THOC5: variants seen among roughly 807,000 people sequenced by gnomAD.
THOC5 encodes the protein THO complex subunit 5, also known as Fms-interacting protein.
THOC5 carries 43 observed loss-of-function variants against 92.9 expected under a neutral mutation model. That is an observed-to-expected ratio of 0.46 (90% CI 0.36 to 0.60). The LOEUF (loss-of-function observed/expected upper bound fraction) is 0.60, where lower values mean the gene tolerates loss of function less well. Ranked by LOEUF, THOC5 falls within the 20% of genes least tolerant of loss-of-function variation. The probability of loss-of-function intolerance (pLI) is 0.00; values close to 1 mark genes in which losing one functional copy is unlikely to be tolerated. For missense variants in THOC5, 659 were observed against 849.4 expected (o/e 0.78, Z 2.79); for synonymous variants, 296 against 320.1 (o/e 0.92, Z 0.80).
chr22:29,534,186 A>G (rs1399775146), intron 7 of THOC5, among the ~76,000 whole-genome samples: 1 of 152,246 alleles, frequency 6.6e-6, no homozygotes, highest in Non-Finnish European at 1.5e-5. Context: ...ATAGGAGTAT[A>G]TACTATGATT....
chr22:29,534,292 G>A (rs138957788), intron 7 of THOC5, among the ~76,000 whole-genome samples: 158 of 152,282 alleles, frequency 1.0e-3, no homozygotes, highest in African/African-American at 3.5e-3. Context: ...TAGGGACTGC[G>A]AGGGGGAATA....
At chr22:29,517,436 C>T (rs2063355061) in intron 15 of THOC5, 70 bp from the exon 16 acceptor site, 1 of 1,388,348 alleles carries the variant, frequency 7.2e-7, no homozygotes, top group East Asian at 2.4e-5. Context: ...CTAGCATCCT[C>T]CTGGGGCTCT....
chr22:29,508,437 A>G lies in THOC5; in HGVS notation c.*20T>C. The G allele has an allele frequency of 6.2e-7, 1 of 1,613,968 alleles. No homozygotes were observed. The highest frequency in any genetic ancestry group is 1.1e-5 in the South Asian group (1 of 91,080). On this transcript the variant is annotated 3_prime_UTR_variant, in exon 20 of 20. Coordinates refer to ENST00000490103, the MANE Select transcript of THOC5 (RefSeq NM_003678.5). Reference sequence around the variant, plus strand: ...TGCTCAGGGTGAGGCCTTGGGGGAAACAACGGTCTGCGCGGGAGATCAGCG... The same window carrying G: ...TGCTCAGGGTGAGGCCTTGGGGGAAGCAACGGTCTGCGCGGGAGATCAGCG...
rs758510325 is a variant in THOC5, at chr22:29,536,718, T to C, written c.620A>G (p.Glu207Gly). 12 of 1,609,046 alleles carry C rather than the reference T, an allele frequency of 7.5e-6. No individual in the cohort carries two copies. The highest frequency in any genetic ancestry group is 1.0e-5 in the Non-Finnish European group (12 of 1,175,358). ...AATCTTCTCCTTGTTAGATAGGCAC[T>C]CTCGGTACTTCTCTGCCAGCCTGTT... ...QRKRLAEKYR[E>G]CLSNKEKILK... Residue 207 changes from glutamate to glycine, a missense_variant, in exon 7 of 20, where the codon GAG becomes GGG. By Grantham distance (98) the Glu-to-Gly change is moderately conservative. Coordinates refer to ENST00000490103, the MANE Select transcript of THOC5 (RefSeq NM_003678.5).
chr22:29,539,339 T>G lies in THOC5; in HGVS notation c.590A>C (p.Gln197Pro). 3.1e-6 allele frequency: 5 copies of G among 1,613,682 alleles called. No individual in the cohort carries two copies. Among genetic ancestry groups the G allele is most frequent in the Non-Finnish European group, 4.2e-6 (5 of 1,179,764 alleles). The change falls in exon 6 of 20, where the codon CAG becomes CCG. Residue 197 changes from glutamine to proline, a missense_variant. By Grantham distance (76) the Gln-to-Pro change is moderately conservative. Coordinates refer to ENST00000490103, the MANE Select transcript of THOC5 (RefSeq NM_003678.5). The part of the protein sequence containing the change: ...TLARLDWELE[Q>P]RKRLAEKYRE... ...AAGGAGGAAATGCTACCTTTTCCGC[T>G]GCTCCAGCTCCCAGTCCAGACGTGC... is the stretch of plus-strand genomic sequence containing the variant.
At position 29,508,362 on chromosome 22, in the gene THOC5, G is replaced by A. The variant is rs1052276674; in HGVS notation, c.*95C>T. 1 of 1,307,022 alleles carries A rather than the reference G, an allele frequency of 7.7e-7. No individual in the cohort carries two copies. Among genetic ancestry groups the A allele is most frequent in the Admixed American group, 1.9e-5 (1 of 51,694 alleles). The allele number at this position is 1,307,022 out of a possible 1,614,324, so 81.0% of individuals were successfully genotyped here. ...CGCTTTTTAATTGGCTGGTGTCTTTGGAGAATATCAAGAGTCACATGTGGG... is the reference window on the plus strand; with the variant it reads ...CGCTTTTTAATTGGCTGGTGTCTTTAGAGAATATCAAGAGTCACATGTGGG... On this transcript the variant is annotated 3_prime_UTR_variant, in exon 20 of 20. Coordinates refer to ENST00000490103, the MANE Select transcript of THOC5 (RefSeq NM_003678.5).
At chr22:29,548,951 G>T in intron 2 of THOC5, 101 bp downstream of exon 2, 1 of 1,106,592 alleles carries the variant, frequency 9.0e-7, no homozygotes. Flanking sequence ...CCAAAAAGTT[G>T]TACCTGGTAG....
In THOC5 at chr22:29,529,247, G is replaced by A. The variant is rs1338103895; in HGVS notation, c.848-8C>T. The stretch of plus-strand genomic sequence containing the variant: ...CCACAGATAACGTCTTATCTGGGGG[G>A]CAAGAAGAAGTCTGTTAGGAAAGCT... On this transcript the variant is annotated splice_polypyrimidine_tract_variant and splice_region_variant and intron_variant, in intron 8 of 19. Transcript: ENST00000490103. 3 of 1,614,008 alleles carry A rather than the reference G, an allele frequency of 1.9e-6. No homozygotes were observed. In the South Asian group the frequency reaches 3.3e-5, roughly 18 times the overall value.
chr22:29,531,420 G>A (rs2063652572), intron 8 of THOC5: 1 of 1,004,080 alleles, frequency 1.0e-6, no homozygotes, highest in Non-Finnish European at 1.2e-6. Flanking sequence ...CATGCAGCCT[G>A]ATTCAAGGCA....
At chr22:29,522,225 T>C (rs1381166954) in intron 12 of THOC5, among the ~76,000 whole-genome samples, 4 of 148,818 alleles carry the variant, frequency 2.7e-5, no homozygotes. Context: ...CTGGGCATGG[T>C]GGCGGGCGCC....
intron 15 of THOC5, 124 bp from the exon 16 acceptor site, chr22:29,517,490 G>A (rs1369380205): frequency 1.3e-6 from 1 of 769,588 alleles, no homozygotes; most frequent in Non-Finnish European, 2.1e-6. Context: ...GGTATACCTG[G>A]TACTCAGGAA....
intron 1 of THOC5, among the ~76,000 whole-genome samples, chr22:29,552,337 G>C (rs546025888): frequency 7.2e-5 from 11 of 151,922 alleles, no homozygotes; most frequent in African/African-American, 2.7e-4. Flanking sequence ...TCTAGGAAGT[G>C]AGGAGTGTCT....
chr22:29,519,233 G>T, intron 14 of THOC5, 113 bp from the exon 15 acceptor site: 2 of 644,564 alleles, frequency 3.1e-6, no homozygotes, highest in Non-Finnish European at 5.4e-6. Flanking sequence ...CATGCCCCAA[G>T]ATGGGTACCC....
chr22:29,520,728 T>C (rs764856122), intron 13 of THOC5, among the ~76,000 whole-genome samples: 3 of 152,200 alleles, frequency 2.0e-5, no homozygotes, highest in Non-Finnish European at 4.4e-5. Flanking sequence ...ACTCCTGAGC[T>C]CAAGGAATCC....
chr22:29,507,017 T>C lies in THOC5; in HGVS notation c.*1440A>G, dbSNP rs956045746. On this transcript the variant is annotated 3_prime_UTR_variant, in exon 20 of 20. Transcript: ENST00000490103. ...CTGAGTAACTGGGACTATTGGTGCATACCACCACACCTGGCTGATTTTTAA... is the reference window on the plus strand; with the variant it reads ...CTGAGTAACTGGGACTATTGGTGCACACCACCACACCTGGCTGATTTTTAA... The C allele has an allele frequency of 2.6e-5, 4 of 152,142 alleles. No homozygotes were observed. Among genetic ancestry groups the C allele is most frequent in the African/African-American group, 9.7e-5 (4 of 41,440 alleles). The allele number at this position is 152,142 out of a possible 1,614,324, so 9.4% of individuals were successfully genotyped here. A position where few individuals can be genotyped will look rare whatever the true frequency, so the allele number is the denominator to read the frequency against.
At position 29,529,219 on chromosome 22, in the gene THOC5, T is replaced by A; in HGVS notation, c.868A>T (p.Ile290Phe). Residue 290 changes from isoleucine (I) to phenylalanine (F), a missense_variant, in exon 9 of 20, where the codon ATC becomes TTC. Transcript: ENST00000490103. ...QACDKTLSVA[I>F]EGSVDEAKAL... ...TTGGCTTCATCCACACTGCCTTCGATTGCCACAGATAACGTCTTATCTGGG... is the reference window on the plus strand; with the variant it reads ...TTGGCTTCATCCACACTGCCTTCGAATGCCACAGATAACGTCTTATCTGGG... 1 of 1,614,186 alleles carries A rather than the reference T, an allele frequency of 6.2e-7. No homozygotes were observed. The highest frequency in any genetic ancestry group is 1.1e-5 in the South Asian group (1 of 91,080).
intron 6 of THOC5, among the ~76,000 whole-genome samples, chr22:29,538,048 T>C (rs892700795): frequency 6.6e-6 from 1 of 152,114 alleles, no homozygotes; most frequent in Non-Finnish European, 1.5e-5. Flanking sequence ...AGTGGCGCAA[T>C]CTCGGCTCAC....
At chr22:29,537,962 A>G (rs1276127535) in intron 6 of THOC5, among the ~76,000 whole-genome samples, 2 of 152,234 alleles carry the variant, frequency 1.3e-5, no homozygotes, top group African/African-American at 2.4e-5. Flanking sequence ...GTTTATACCT[A>G]AAGTGTGACT....
At chr22:29,541,840 G>A (rs1476109769) in intron 5 of THOC5, among the ~76,000 whole-genome samples, 8 of 116,990 alleles carry the variant, frequency 6.8e-5, no homozygotes, top group African/African-American at 2.3e-4. Context: ...CAGCCTGGGC[G>A]ACAGAGCAAG....
Sources: allele counts gnomAD v4.1 joint callset (sites outside exome capture counted in the v4.1 genomes callset), GRCh38; gene constraint gnomAD v4.1.1; transcripts MANE v1.5; gene names NCBI Gene and HGNC (gene_info 2026-07-23, HGNC 2026-07-21).